The following NAPB variants were observed in gnomAD, a reference collection of about 807,000 sequenced individuals.
NAPB encodes beta-soluble NSF attachment protein.
A neutral mutation model predicts 44.7 loss-of-function variants in NAPB; 26 were observed. The observed-to-expected ratio is 0.58, with a 90% CI of 0.43 to 0.81. The LOEUF is 0.81. NAPB is among the 30% of genes least tolerant of loss of function. The pLI is 0.00. For synonymous variants in NAPB, 120 were observed against 116.8 expected, an observed-to-expected ratio of 1.03 and a Z score of -0.18; for missense variants, 315 against 356.4, an observed-to-expected ratio of 0.88 and a Z score of 0.94.
At chr20:23,388,955 C>A (rs1256091973) in intron 7 of NAPB, among the ~76,000 whole-genome samples, 1 of 151,884 alleles carries the variant, frequency 6.6e-6, no homozygotes, top group Non-Finnish European at 1.5e-5. Flanking sequence ...ATAACAGAGT[C>A]CAGAGACAAC....
At position 23,397,107 on chromosome 20, in the gene NAPB, T is replaced by C. The variant is rs773601092; in HGVS notation, c.260A>G (p.Asp87Gly). ...SKHDSATSFV[D>G]AGNAYKKADP... ...TGCCTTTTTGTAAGCATTTCCAGCA[T>C]CCACAAAGCTGGTAGCAGAGTCATG... Residue 87 changes from aspartate to glycine, a missense_variant, in exon 3 of 11, where the codon GAT (aspartate) becomes GGT (glycine). By Grantham distance (94) the Asp-to-Gly change is moderately conservative. Around this residue, in one of 3 missense-constraint regions of NAPB, gnomAD observed 179 missense variants for 182.5 expected, o/e 0.98. Coordinates refer to ENST00000377026, the MANE Select transcript of NAPB (RefSeq NM_022080.3). The C allele has an allele frequency of 1.2e-6, 2 of 1,613,652 alleles. No individual in the cohort carries two copies. The highest frequency in any genetic ancestry group is 1.7e-5 in the Admixed American group (1 of 60,016).
intron 1 of NAPB, among the ~76,000 whole-genome samples, chr20:23,420,486 C>G (rs1338154404): frequency 6.6e-6 from 1 of 152,176 alleles, no homozygotes; most frequent in Non-Finnish European, 1.5e-5. Flanking sequence ...GGACCGCCCC[C>G]TCCCCGGCGG....
chr20:23,393,640 T>A (rs912663367), intron 5 of NAPB, among the ~76,000 whole-genome samples: 1 of 151,954 alleles, frequency 6.6e-6, no homozygotes, highest in Non-Finnish European at 1.5e-5. Flanking sequence ...AAAATGAGAA[T>A]GATGAGCAAG....
At chr20:23,412,605 C>A (rs1323003547) in intron 1 of NAPB, among the ~76,000 whole-genome samples, 1 of 151,980 alleles carries the variant, frequency 6.6e-6, no homozygotes. Context: ...TAATATGCCC[C>A]CCAAAACAGA....
intron 1 of NAPB, among the ~76,000 whole-genome samples, chr20:23,414,190 C>A (rs1377378464): frequency 6.6e-6 from 1 of 152,100 alleles, no homozygotes; most frequent in East Asian, 1.9e-4. Context: ...GGCATGGTGG[C>A]CTGTGCCTGT....
chr20:23,418,603 AC>A (rs1986164586), intron 1 of NAPB, among the ~76,000 whole-genome samples: 2 of 152,158 alleles, frequency 1.3e-5, no homozygotes, highest in Admixed American at 6.5e-5. Context: ...CTTGCATGGT[AC>A]ATTAATGGTT....
chr20:23,377,175 C>A lies in NAPB; in HGVS notation c.*201G>T, dbSNP rs993519810. 5.6e-6 allele frequency: 2 copies of A among 358,114 alleles called. No homozygotes were observed. The highest frequency in any genetic ancestry group is 2.1e-4 in the South Asian group (2 of 9,384). The allele number at this position is 358,114 out of a possible 1,614,324, so 22.2% of individuals were successfully genotyped here. A position where few individuals can be genotyped will look rare whatever the true frequency, so the allele number is the denominator to read the frequency against. On this transcript the variant is annotated 3_prime_UTR_variant, in exon 11 of 11. Transcript: ENST00000377026. ...GGGGTTCTGATAAGCATGAAACAAC[C>A]CATCATTACCACAAGATGAACAGGA...
intron 1 of NAPB, among the ~76,000 whole-genome samples, chr20:23,420,734 G>A (rs117459664): frequency 0.013 from 1,972 of 152,182 alleles, 46 homozygotes; most frequent in East Asian, 0.091. Context: ...CTTCTAGGTC[G>A]TGGGACCCCC....
At chr20:23,401,578 C>A (rs2123216378) in intron 2 of NAPB, among the ~76,000 whole-genome samples, 2 of 152,226 alleles carry the variant, frequency 1.3e-5, no homozygotes, top group South Asian at 4.2e-4. Flanking sequence ...TCACCAGATA[C>A]AATAAGTAAT....
intron 7 of NAPB, among the ~76,000 whole-genome samples, chr20:23,385,373 G>A (rs955369431): frequency 3.9e-5 from 6 of 152,154 alleles, no homozygotes; most frequent in South Asian, 4.1e-4. Context: ...AGTATGTGAC[G>A]CAAAGACTGA....
At chr20:23,414,585 C>A (rs1382789736) in intron 1 of NAPB, among the ~76,000 whole-genome samples, 4 of 152,124 alleles carry the variant, frequency 2.6e-5, no homozygotes, top group Admixed American at 1.3e-4. Flanking sequence ...AAAAAATATA[C>A]CTTAATTCAA....
At chr20:23,420,320 A>G (rs1163368222) in intron 1 of NAPB, among the ~76,000 whole-genome samples, 1 of 152,260 alleles carries the variant, frequency 6.6e-6, no homozygotes, top group Non-Finnish European at 1.5e-5. Flanking sequence ...CCGTTAATCA[A>G]ACAGGAGGCT....
intron 1 of NAPB, among the ~76,000 whole-genome samples, chr20:23,420,483 C>A (rs965073667): frequency 6.6e-6 from 1 of 152,162 alleles, no homozygotes; most frequent in African/African-American, 2.4e-5. Flanking sequence ...GCCGGACCGC[C>A]CCCTCCCCGG....
intron 1 of NAPB, among the ~76,000 whole-genome samples, chr20:23,414,943 A>C (rs1985899970): frequency 2.0e-5 from 3 of 151,544 alleles, no homozygotes; most frequent in Middle Eastern, 3.4e-3. Context: ...ATATATTAAA[A>C]AAATTTTAAG....
intron 7 of NAPB, among the ~76,000 whole-genome samples, chr20:23,389,231 T>TAAAAAAAA (rs71330886): frequency 8.7e-6 from 1 of 115,402 alleles, no homozygotes; most frequent in Non-Finnish European, 1.8e-5. Context: ...GACTATTATT[T>TAAAAAAAA]AAAAAAAAAA....
At chr20:23,402,916 G>A (rs1984950499) in intron 2 of NAPB, 77 bp downstream of exon 2, 1 of 1,136,332 alleles carries the variant, frequency 8.8e-7, no homozygotes, top group Admixed American at 2.0e-5. Flanking sequence ...TGCTCTTCAA[G>A]GGGAAAACAG....
intron 1 of NAPB, among the ~76,000 whole-genome samples, chr20:23,420,189 CAG>C (rs1351104944): frequency 6.6e-6 from 1 of 152,154 alleles, no homozygotes; most frequent in Non-Finnish European, 1.5e-5. Flanking sequence ...TCCGGGCTGT[CAG>C]TGCGGGCTCT....
chr20:23,421,378 C>G lies in NAPB; in HGVS notation c.25G>C (p.Glu9Gln), dbSNP rs1225167926. 5 of 1,551,228 alleles carry G rather than the reference C, an allele frequency of 3.2e-6. No individual in the cohort carries two copies. The highest frequency in any genetic ancestry group is 4.4e-6 in the Non-Finnish European group (5 of 1,147,778). MDNAGKER[E>Q]AVQLMAEAEK... ...GCCTCCGCCATCAGCTGTACTGCCT[C>G]ACGCTCCTTCCCCGCGTTGTCCATG... Residue 9 changes from glutamate (E) to glutamine (Q), a missense_variant, in exon 1 of 11, where the codon GAG becomes CAG. Physicochemically the swap from Glu to Gln is conservative, Grantham distance 29. Transcript: ENST00000377026.
chr20:23,408,530 C>T (rs968914471), intron 1 of NAPB, among the ~76,000 whole-genome samples: 1 of 152,234 alleles, frequency 6.6e-6, no homozygotes, highest in Non-Finnish European at 1.5e-5. Context: ...ATATTATAGG[C>T]TCTATAAACA....
Sources: gnomAD v4.1 joint callset for allele counts (sites outside exome capture counted in the v4.1 genomes callset) on GRCh38, gnomAD v4.1.1 for gene constraint, gnomAD v4.1.1 regional missense constraint, MANE v1.5 for transcripts, NCBI Gene and HGNC (gene_info 2026-07-23, HGNC 2026-07-21) for gene names.